A1CF: variants seen among roughly 807,000 people sequenced by gnomAD.
A1CF encodes APOBEC1 complementation factor.
Under a neutral mutation model 68.9 loss-of-function variants are expected in A1CF, and 48 were observed. The observed-to-expected ratio is 0.70, with a 90% CI of 0.55 to 0.89. The LOEUF is 0.89. Ranked by LOEUF, A1CF falls within the 40% of genes least tolerant of loss-of-function variation. The pLI is 0.00. For synonymous variants in A1CF, 272 were observed against 260.4 expected (o/e 1.04, Z -0.43); for missense variants, 653 against 718.9 (o/e 0.91, Z 1.05).
intron 1 of A1CF, among the ~76,000 whole-genome samples, chr10:50,881,674 C>T (rs907515926): frequency 6.6e-6 from 1 of 152,288 alleles, no homozygotes; most frequent in East Asian, 1.9e-4. Flanking sequence ...ATCACTACAT[C>T]ACTACTGCAG....
intron 1 of A1CF, among the ~76,000 whole-genome samples, chr10:50,882,812 A>G (rs557122587): frequency 3.9e-5 from 6 of 152,288 alleles, no homozygotes; most frequent in African/African-American, 9.6e-5. Context: ...CCATTGTGCA[A>G]TAGTACCCAC....
At chr10:50,831,158 T>C (rs748346694) in intron 6 of A1CF, among the ~76,000 whole-genome samples, 5 of 152,150 alleles carry the variant, frequency 3.3e-5, no homozygotes, top group African/African-American at 1.2e-4. Flanking sequence ...GTAAAACTAC[T>C]AGAAAGAAAC....
At chr10:50,859,804 T>A in intron 3 of A1CF, 38 bp downstream of exon 3, 1 of 1,561,448 alleles carries the variant, frequency 6.4e-7, no homozygotes, top group Non-Finnish European at 8.8e-7. Flanking sequence ...ACTGTGCAAA[T>A]TCAGTGGTGA....
At chr10:50,846,879 TTCA>T (rs1478153730) in intron 3 of A1CF, among the ~76,000 whole-genome samples, 3 of 152,152 alleles carry the variant, frequency 2.0e-5, no homozygotes, top group African/African-American at 7.2e-5. Flanking sequence ...TGCCCTGTAG[TTCA>T]CTCAGTAGGG....
chr10:50,883,838 G>T (rs1841887946), intron 1 of A1CF, among the ~76,000 whole-genome samples: 1 of 152,216 alleles, frequency 6.6e-6, no homozygotes, highest in Non-Finnish European at 1.5e-5. Flanking sequence ...CCAGACAAAG[G>T]AGCCTGGCTC....
chr10:50,821,303 T>G (rs1838660435), intron 7 of A1CF, among the ~76,000 whole-genome samples: 1 of 152,148 alleles, frequency 6.6e-6, no homozygotes, highest in Non-Finnish European at 1.5e-5. Flanking sequence ...AGCTAAAGAT[T>G]GGAAACAATG....
At chr10:50,866,406 G>A (rs1254468013) in intron 1 of A1CF, among the ~76,000 whole-genome samples, 1 of 152,214 alleles carries the variant, frequency 6.6e-6, no homozygotes, top group Non-Finnish European at 1.5e-5. Context: ...AGAGGGATTG[G>A]AATGAATAGC....
chr10:50,878,787 C>A (rs1289320886), intron 1 of A1CF, among the ~76,000 whole-genome samples: 1 of 152,132 alleles, frequency 6.6e-6, no homozygotes, highest in Non-Finnish European at 1.5e-5. Flanking sequence ...CAAGTTAATG[C>A]ACCTGTTAAA....
rs1348398853 is a variant in A1CF at position 50,868,437 on chromosome 10, G to C, written c.-93-4357C>G. On this transcript the variant is annotated intron_variant, in intron 1 of 12. Transcript: ENST00000373997. The stretch of plus-strand genomic sequence containing the variant: ...AGCATGCACTTTGGTCATGGATCAT[G>C]AGCCATAGCAAAATTAATAGAGAAT... Among the ~76,000 whole-genome samples, 3 of 152,102 alleles carry C rather than the reference G, an allele frequency of 2.0e-5. No individual in the cohort carries two copies. The East Asian group carries it at 5.8e-4, about 29-fold the overall frequency.
intron 4 of A1CF, 38 bp downstream of exon 4, chr10:50,843,949 TG>T: frequency 6.2e-7 from 1 of 1,611,310 alleles, no homozygotes; most frequent in South Asian, 1.1e-5. Flanking sequence ...ATTTTTCCCT[TG>T]AACGATAAGA....
rs374984128 is a variant in A1CF, at chr10:50,800,941, C to A, written c.*5788G>T. On this transcript the variant is annotated 3_prime_UTR_variant, in exon 13 of 13. Coordinates refer to ENST00000373997, the MANE Select transcript of A1CF (RefSeq NM_014576.4). ...TTTAAGGTGAAGGTTAACGTAAGACCTGTCTGTTTTGGGATAGAAGTAACT... is the reference window on the plus strand; with the variant it reads ...TTTAAGGTGAAGGTTAACGTAAGACATGTCTGTTTTGGGATAGAAGTAACT... The A allele has an allele frequency of 2.0e-5, 3 of 152,050 alleles. No homozygotes were observed. The highest frequency in any genetic ancestry group is 4.4e-5 in the Non-Finnish European group (3 of 68,006). The allele number at this position is 152,050 out of a possible 1,614,324, so 9.4% of individuals were successfully genotyped here. A position where few individuals can be genotyped will look rare whatever the true frequency, so the allele number is the denominator to read the frequency against.
intron 1 of A1CF, among the ~76,000 whole-genome samples, chr10:50,879,475 G>A (rs1841673620): frequency 6.6e-6 from 1 of 152,130 alleles, no homozygotes; most frequent in Admixed American, 6.6e-5. Flanking sequence ...CCTGAGACTG[G>A]GTAATTTATA....
Position 50,802,383 on chromosome 10 carries a change from A to G in A1CF, c.*4346T>C, listed in dbSNP as rs1212975395. The stretch of plus-strand genomic sequence containing the variant: ...CTGCCTAGTTTCTTCCTGTCTTCCA[A>G]TAAGTATATACAAAATCTTAAGTTA... On this transcript the variant is annotated 3_prime_UTR_variant, in exon 13 of 13. Transcript: ENST00000373997. The G allele has an allele frequency of 6.6e-6, 1 of 152,214 alleles. No individual in the cohort carries two copies. The highest frequency in any genetic ancestry group is 2.4e-5 in the African/African-American group (1 of 41,464). The allele number at this position is 152,214 out of a possible 1,614,324, so 9.4% of individuals were successfully genotyped here.
At chr10:50,859,819 C>A in intron 3 of A1CF, 23 bp downstream of exon 3, 1 of 1,605,150 alleles carries the variant, frequency 6.2e-7, no homozygotes, top group Non-Finnish European at 8.5e-7. Context: ...TGGTGAGTCT[C>A]AGCAGATTTC....
In A1CF at chr10:50,836,070, T is replaced by C. The variant is rs1024555948; in HGVS notation, c.604+4A>G. The stretch of plus-strand genomic sequence containing the variant: ...GTCTCATCTTTGAGGAGGGGATTGC[T>C]AACCTGGTAGCAGTTTCCTCCTCGC... On this transcript the variant is annotated splice_donor_region_variant and intron_variant, in intron 6 of 12. Coordinates refer to ENST00000373997, the MANE Select transcript of A1CF (RefSeq NM_014576.4). 1 of 1,597,298 alleles carries C rather than the reference T, an allele frequency of 6.3e-7. No homozygotes were observed. Among genetic ancestry groups the C allele is most frequent in the Non-Finnish European group, 8.5e-7 (1 of 1,171,208 alleles).
chr10:50,854,551 T>C (rs1333315023), intron 3 of A1CF, among the ~76,000 whole-genome samples: 1 of 152,046 alleles, frequency 6.6e-6, no homozygotes, highest in Non-Finnish European at 1.5e-5. Context: ...GCATTGTCAA[T>C]TTTAAGGCTC....
intron 6 of A1CF, 89 bp downstream of exon 6, chr10:50,835,985 A>T: frequency 8.1e-7 from 1 of 1,240,634 alleles, no homozygotes; most frequent in Non-Finnish European, 1.1e-6. Flanking sequence ...AATGAAAGAT[A>T]GCCAAAAAAA....
At chr10:50,868,130 T>C (rs1367375184) in intron 1 of A1CF, among the ~76,000 whole-genome samples, 1 of 152,196 alleles carries the variant, frequency 6.6e-6, no homozygotes, top group Non-Finnish European at 1.5e-5. Flanking sequence ...GCCTTGACAT[T>C]ACATGATGTA....
chr10:50,875,513 A>G (rs750140122), intron 1 of A1CF, among the ~76,000 whole-genome samples: 3 of 152,204 alleles, frequency 2.0e-5, no homozygotes, highest in African/African-American at 7.2e-5. Flanking sequence ...GAGTCAGGTG[A>G]ATAATGAAGA....
Sources: gnomAD v4.1 joint callset for allele counts (sites outside exome capture counted in the v4.1 genomes callset) on GRCh38, gnomAD v4.1.1 for gene constraint, MANE v1.5 for transcripts, NCBI Gene and HGNC (gene_info 2026-07-23, HGNC 2026-07-21) for gene names.